Variants in GADL1 observed in about 807,000 individuals in gnomAD.
GADL1 encodes the protein acidic amino acid decarboxylase GADL1.
GADL1 carries 71 observed loss-of-function variants against 69.5 expected under a neutral mutation model. The ratio of observed to expected loss-of-function variants is 1.02; its 90% confidence interval spans 0.84 to 1.25. The LOEUF (loss-of-function observed/expected upper bound fraction) is 1.25. Ranked by LOEUF, GADL1 falls within the 50% of genes most tolerant of loss-of-function variation. The pLI is 0.00. For missense variants in GADL1, 737 were observed against 631.8 expected (o/e 1.17, Z -1.79); for synonymous variants, 254 against 214.4 (o/e 1.18, Z -1.62).
intron 8 of GADL1, among the ~76,000 whole-genome samples, chr3:30,839,370 T>C (rs1017115706): frequency 1.3e-5 from 2 of 151,998 alleles, no homozygotes; most frequent in Non-Finnish European, 2.9e-5. Flanking sequence ...ATTCTCATGT[T>C]TTTTGTAATG....
At position 30,774,872 on chromosome 3, in the gene GADL1, A is replaced by C. The variant is rs79082301; in HGVS notation, c.1392+3307T>G. ...AAGCAAGTCAGAGACTTCCAGCAGA[A>C]GAGTGACATGAAGAAGCAGAGACGG... On this transcript the variant is annotated intron_variant, in intron 14 of 14. Coordinates refer to ENST00000282538, the MANE Select transcript of GADL1 (RefSeq NM_207359.3). 8.5e-5 allele frequency among the ~76,000 whole-genome samples: 13 copies of C among 152,268 alleles called. No individual in the cohort carries two copies. The East Asian group carries it at 2.5e-3, about 29-fold the overall frequency.
intron 11 of GADL1, among the ~76,000 whole-genome samples, chr3:30,827,765 A>C (rs1195472735): frequency 6.6e-6 from 1 of 151,958 alleles, no homozygotes; most frequent in African/African-American, 2.4e-5. Flanking sequence ...GAATTGAATG[A>C]ATTCTCTCTG....
At chr3:30,810,309 A>G (rs545030119) in intron 11 of GADL1, among the ~76,000 whole-genome samples, 5 of 152,284 alleles carry the variant, frequency 3.3e-5, no homozygotes, top group African/African-American at 9.6e-5. Flanking sequence ...CTTCACAGCT[A>G]TCTGTGAAAA....
At chr3:30,872,175 GA>G (rs1698502383) in intron 1 of GADL1, among the ~76,000 whole-genome samples, 1 of 151,812 alleles carries the variant, frequency 6.6e-6, no homozygotes, top group Non-Finnish European at 1.5e-5. Context: ...TGGGCTCCAT[GA>G]AAAAAATTTG....
chr3:30,872,342 A>C (rs1033977202), intron 1 of GADL1, among the ~76,000 whole-genome samples: 7 of 151,816 alleles, frequency 4.6e-5, no homozygotes, highest in Non-Finnish European at 8.8e-5. Flanking sequence ...TCTCTCCATT[A>C]ACCACTGTCA....
chr3:30,850,942 C>G lies in GADL1; in HGVS notation c.429-1G>C. 2 of 1,502,214 alleles carry G rather than the reference C, an allele frequency of 1.3e-6. No individual in the cohort carries two copies. Among genetic ancestry groups the G allele is most frequent in the Non-Finnish European group, 1.8e-6 (2 of 1,103,312 alleles). 93.1% of individuals were successfully genotyped at this position (1,502,214 alleles called of 1,614,324 possible). ...CACTGGGGACACCTCATACGTATAA[C>G]TAGATAGATATAAAAAACACTTCAC... is the stretch of plus-strand genomic sequence containing the variant. On this transcript the variant is annotated splice_acceptor_variant, in intron 4 of 14. Transcript: ENST00000282538. LOFTEE classifies it high-confidence loss of function.
intron 6 of GADL1, among the ~76,000 whole-genome samples, chr3:30,848,475 C>T (rs958095351): frequency 1.3e-5 from 2 of 152,162 alleles, no homozygotes; most frequent in Admixed American, 1.3e-4. Context: ...ATGATAGATA[C>T]AGGAAAGCCT....
At chr3:30,729,113 T>C (rs9839109) in intron 14 of GADL1, among the ~76,000 whole-genome samples, 40,908 of 152,040 alleles carry the variant, frequency 0.27, 5,907 homozygotes, top group Non-Finnish European at 0.33. Context: ...TAAAGATCTA[T>C]AGCTGACATG....
chr3:30,767,590 G>A (rs1490829499), intron 14 of GADL1, among the ~76,000 whole-genome samples: 2 of 152,076 alleles, frequency 1.3e-5, no homozygotes, highest in Admixed American at 1.3e-4. Context: ...ACTTCTACAT[G>A]GATTAAGGAT....
At chr3:30,857,929 T>C (rs772063963) in intron 2 of GADL1, among the ~76,000 whole-genome samples, 1 of 152,020 alleles carries the variant, frequency 6.6e-6, no homozygotes, top group Non-Finnish European at 1.5e-5. Flanking sequence ...TTTTTCAAAA[T>C]ATCCTCATAA....
chr3:30,810,770 G>GCT (rs1697336607), intron 11 of GADL1, among the ~76,000 whole-genome samples: 1 of 151,904 alleles, frequency 6.6e-6, no homozygotes, highest in African/African-American at 2.4e-5. Context: ...TGTCATCCTA[G>GCT]CTACTCTCTC....
At chr3:30,786,179 C>T (rs1229323622) in intron 13 of GADL1, among the ~76,000 whole-genome samples, 176 bp downstream of exon 13, 1 of 152,094 alleles carries the variant, frequency 6.6e-6, no homozygotes, top group Non-Finnish European at 1.5e-5. Context: ...GTGAATCCAA[C>T]AAAGGAAAAG....
At chr3:30,753,246 C>T (rs957903246) in intron 14 of GADL1, among the ~76,000 whole-genome samples, 1 of 152,122 alleles carries the variant, frequency 6.6e-6, no homozygotes, top group Admixed American at 6.6e-5. Context: ...GGAGATAGTT[C>T]CAATCTACGT....
intron 13 of GADL1, among the ~76,000 whole-genome samples, chr3:30,779,974 AGT>A (rs1417810501): frequency 6.6e-6 from 1 of 152,198 alleles, no homozygotes; most frequent in Non-Finnish European, 1.5e-5. Context: ...TCATTTCAGC[AGT>A]ACTGGTGACC....
chr3:30,760,780 G>A (rs1191134592), intron 14 of GADL1, among the ~76,000 whole-genome samples: 1 of 152,096 alleles, frequency 6.6e-6, no homozygotes, highest in Admixed American at 6.6e-5. Context: ...CTAATCTTGG[G>A]ACTTCTCCAC....
chr3:30,894,380 T>C (rs952746280), intron 1 of GADL1, among the ~76,000 whole-genome samples, 198 bp downstream of exon 1: 1 of 152,236 alleles, frequency 6.6e-6, no homozygotes, highest in Admixed American at 6.5e-5. Flanking sequence ...TTATAAAAGT[T>C]AACTCATTTG....
intron 11 of GADL1, among the ~76,000 whole-genome samples, chr3:30,826,440 T>G (rs1032662802): frequency 2.1e-5 from 3 of 142,766 alleles, no homozygotes; most frequent in Non-Finnish European, 3.1e-5. Context: ...ATTAGAGAGA[T>G]ATCTACACCC....
chr3:30,756,797 G>A (rs1315012375), intron 14 of GADL1, among the ~76,000 whole-genome samples: 3 of 152,126 alleles, frequency 2.0e-5, no homozygotes, highest in Admixed American at 2.0e-4. Context: ...CTGACCCATA[G>A]CTGATGGCTT....
chr3:30,736,049 A>G (rs1695537643), intron 14 of GADL1, among the ~76,000 whole-genome samples: 1 of 152,082 alleles, frequency 6.6e-6, no homozygotes, highest in South Asian at 2.1e-4. Flanking sequence ...ACTAGCAAGT[A>G]TTTTAATGTG....
Sources: allele counts gnomAD v4.1 joint callset (sites outside exome capture counted in the v4.1 genomes callset), GRCh38; gene constraint gnomAD v4.1.1; transcripts MANE v1.5; gene names NCBI Gene and HGNC (gene_info 2026-07-23, HGNC 2026-07-21).